MAP3K1: variants seen among roughly 807,000 people sequenced by gnomAD.
The protein encoded by MAP3K1 is MAP/ERK kinase kinase 1.
Under a neutral mutation model 144.2 loss-of-function variants are expected in MAP3K1, and 36 were observed. The ratio of observed to expected loss-of-function variants is 0.25; its 90% CI spans 0.19 to 0.33. MAP3K1 has a LOEUF of 0.33. Ranked by LOEUF, MAP3K1 falls within the 10% of genes least tolerant of loss-of-function variation. The pLI is 1.00. For missense variants in MAP3K1, 1,650 were observed against 1,881.9 expected, an observed-to-expected ratio of 0.88 and a Z score of 2.28; for synonymous variants, 718 against 688.7, an observed-to-expected ratio of 1.04 and a Z score of -0.67.
In MAP3K1 at chr5:56,882,361, C is replaced by T. The variant is rs751282045; in HGVS notation, c.3161C>T (p.Ser1054Phe). 13 of 1,614,170 alleles carry T rather than the reference C, an allele frequency of 8.1e-6. No individual in the cohort carries two copies. Among genetic ancestry groups the T allele is most frequent in the African/African-American group, 5.3e-5 (4 of 75,048 alleles). The change falls in exon 14 of 20, where the codon TCC becomes TTC. Residue 1054 changes from serine (S) to phenylalanine (F), a missense_variant. Ser to Phe is a radical substitution (Grantham distance 155). Transcript: ENST00000399503. ...PVFTQSRPLPSSNIHRPKPSR... is the reference protein window; with the variant it reads ...PVFTQSRPLPFSNIHRPKPSR... ...TTTACTCAGTCAAGACCCTTGCCCTCCAGTAACATACACAGGCCAAAGCCA... is the reference window on the plus strand; with the variant it reads ...TTTACTCAGTCAAGACCCTTGCCCTTCAGTAACATACACAGGCCAAAGCCA...
At position 56,817,033 on chromosome 5, in the gene MAP3K1, G is replaced by A. The variant is rs73759206; in HGVS notation, c.482+978G>A. 0.01 allele frequency: 10,159 copies of A among 984,722 alleles called. 800 individuals carry two copies. The African/African-American group carries it at 0.16, about 16-fold the overall frequency. The allele number at this position is 984,722 out of a possible 1,614,324, so 61.0% of individuals were successfully genotyped here. On this transcript the variant is annotated intron_variant, in intron 1 of 19. Coordinates refer to ENST00000399503, the MANE Select transcript of MAP3K1 (RefSeq NM_005921.2). ...CCTGCTCGGTGCCCTGGCGCGGGCC[G>A]CCCGCTGAATTCCAGGGGCCGCAGT...
rs2111957755 is a variant in MAP3K1, at chr5:56,885,960, A to G, written c.4011A>G (p.Lys1337=). 1.9e-6 allele frequency: 3 copies of G among 1,612,832 alleles called. No individual in the cohort carries two copies. The highest frequency in any genetic ancestry group is 2.5e-6 in the Non-Finnish European group (3 of 1,178,834). The change falls in exon 17 of 20, where the codon AAA becomes AAG. Residue 1337 remains lysine (K), a synonymous_variant. Transcript: ENST00000399503. ...AGGSVAHLLS[K]YGAFKESVVI... ...GATCGGTGGCTCATTTGCTGAGTAA[A>G]TATGGAGCCTTCAAAGAATCAGTAG...
intron 1 of MAP3K1, among the ~76,000 whole-genome samples, chr5:56,853,872 A>G (rs1747252325): frequency 6.6e-6 from 1 of 152,084 alleles, no homozygotes; most frequent in South Asian, 2.1e-4. Flanking sequence ...GGTTGGGCTA[A>G]ACATTTTGGA....
rs1427149188 is a variant in MAP3K1, at chr5:56,893,612, C to G, written c.4471C>G (p.Leu1491Val). Reference protein sequence around the residue: ...LRDVALRCLELQPQDRPPSRE... With the variant: ...LRDVALRCLEVQPQDRPPSRE... ...AGATGTGGCTCTTCGTTGTTTAGAACTTCAACCTCAGGACAGACCTCCATC... is the reference window on the plus strand; with the variant it reads ...AGATGTGGCTCTTCGTTGTTTAGAAGTTCAACCTCAGGACAGACCTCCATC... Residue 1491 changes from leucine (L) to valine (V), a missense_variant, in exon 20 of 20, where the codon CTT becomes GTT. Around this residue, in one of 6 missense-constraint regions of MAP3K1, gnomAD observed 165 missense variants for 322.9 expected, o/e 0.51. Transcript: ENST00000399503. 2 of 1,614,022 alleles carry G rather than the reference C, an allele frequency of 1.2e-6. No homozygotes were observed. Among genetic ancestry groups the G allele is most frequent in the Non-Finnish European group, 1.7e-6 (2 of 1,179,898 alleles).
rs190929673 is a variant in MAP3K1, at chr5:56,875,103, T to A, written c.1758T>A (p.Arg586=). 3.7e-6 allele frequency: 6 copies of A among 1,614,192 alleles called. No individual in the cohort carries two copies. In the East Asian group the frequency reaches 1.3e-4, roughly 36 times the overall value. The change falls in exon 10 of 20, where the codon CGT becomes CGA. Residue 586 remains arginine (R), a synonymous_variant. Coordinates refer to ENST00000399503, the MANE Select transcript of MAP3K1 (RefSeq NM_005921.2). ...ATGTGAGAGAGATGGCCCTCAGGCG[T>A]CTTTCCCATGATGTCAGTGGGGCCC... The part of the protein sequence containing the change: ...NWNVREMALR[R]LSHDVSGALL...
chr5:56,855,628 A>G (rs1240160047), intron 1 of MAP3K1, among the ~76,000 whole-genome samples: 2 of 152,172 alleles, frequency 1.3e-5, no homozygotes, highest in Non-Finnish European at 2.9e-5. Flanking sequence ...GATTAGCTGG[A>G]AAATTCCTAG....
In MAP3K1 at chr5:56,881,874, A is replaced by G. The variant is rs774025144; in HGVS notation, c.2674A>G (p.Asn892Asp). ...CTTCTTGCAGGCATCTGTTCCCAAC[A>G]ACTATCTGGAAACCACAGAGAACAG... is the stretch of plus-strand genomic sequence containing the variant. ...DSFLQASVPNNYLETTENSSP... is the reference protein window; with the variant it reads ...DSFLQASVPNDYLETTENSSP... Residue 892 changes from asparagine to aspartate, a missense_variant, in exon 14 of 20, where the codon AAC becomes GAC. Physicochemically the swap from Asn to Asp is conservative, Grantham distance 23 (BLOSUM62 1). Around this residue, in one of 6 missense-constraint regions of MAP3K1, gnomAD observed 841 missense variants for 886.5 expected, o/e 0.95. Coordinates refer to ENST00000399503, the MANE Select transcript of MAP3K1 (RefSeq NM_005921.2). 2 of 1,614,174 alleles carry G rather than the reference A, an allele frequency of 1.2e-6. No homozygotes were observed.
chr5:56,818,290 A>G (rs1273958397), intron 1 of MAP3K1, among the ~76,000 whole-genome samples: 6 of 152,242 alleles, frequency 3.9e-5, no homozygotes, highest in Non-Finnish European at 8.8e-5. Context: ...ATTACTTACC[A>G]TTTAAAGTTT....
At chr5:56,875,516 T>C (rs1260660330) in intron 10 of MAP3K1, among the ~76,000 whole-genome samples, 5 of 152,236 alleles carry the variant, frequency 3.3e-5, no homozygotes, top group African/African-American at 2.4e-5. Context: ...AGGTTTCTTA[T>C]ATAACTGTTT....
chr5:56,882,215 A>G lies in MAP3K1; in HGVS notation c.3015A>G (p.Arg1005=). ...AGTATDVSKH[R]LQGFIPCRIP... ...CTGCAACAGATGTCTCTAAGCATAG[A>G]CTTCAGGGATTCATTCCCTGCAGAA... is the stretch of plus-strand genomic sequence containing the variant. Residue 1005 remains arginine (R), a synonymous_variant, in exon 14 of 20, where the codon AGA becomes AGG. Coordinates refer to ENST00000399503, the MANE Select transcript of MAP3K1 (RefSeq NM_005921.2). 1 of 1,614,074 alleles carries G rather than the reference A, an allele frequency of 6.2e-7. No individual in the cohort carries two copies. The highest frequency in any genetic ancestry group is 8.5e-7 in the Non-Finnish European group (1 of 1,180,006).
intron 1 of MAP3K1, among the ~76,000 whole-genome samples, chr5:56,854,499 G>A (rs554991984): frequency 6.6e-6 from 1 of 150,480 alleles, no homozygotes; most frequent in Non-Finnish European, 1.5e-5. Context: ...CATAAATAAG[G>A]TAAAACGAAA....
intron 17 of MAP3K1, among the ~76,000 whole-genome samples, chr5:56,887,048 C>T (rs1748398308): frequency 6.6e-6 from 1 of 152,234 alleles, no homozygotes; most frequent in Admixed American, 6.5e-5. Flanking sequence ...CAGGCGTCAG[C>T]CACCGTACCT....
At chr5:56,873,458 A>G (rs1476880545) in intron 9 of MAP3K1, among the ~76,000 whole-genome samples, 1 of 152,242 alleles carries the variant, frequency 6.6e-6, no homozygotes, top group African/African-American at 2.4e-5. Flanking sequence ...AGAAAAAAAT[A>G]TGTGATGGTT....
At chr5:56,856,540 C>G in intron 1 of MAP3K1, 60 bp from the exon 2 acceptor site, 1 of 1,438,246 alleles carries the variant, frequency 7.0e-7, no homozygotes, top group South Asian at 1.2e-5. Context: ...TCTGTTTGTT[C>G]TTGGAAATTA....
chr5:56,847,888 C>G (rs1747046536), intron 1 of MAP3K1, among the ~76,000 whole-genome samples: 1 of 152,054 alleles, frequency 6.6e-6, no homozygotes, highest in Non-Finnish European at 1.5e-5. Context: ...GTTTGAGTTA[C>G]CAGTAATAAT....
intron 1 of MAP3K1, among the ~76,000 whole-genome samples, chr5:56,817,781 C>T (rs1429088313): frequency 6.6e-6 from 1 of 152,138 alleles, no homozygotes; most frequent in East Asian, 1.9e-4. Context: ...AATAATTTAG[C>T]AAACGTCAGC....
chr5:56,836,506 T>C (rs1232024804), intron 1 of MAP3K1, among the ~76,000 whole-genome samples: 3 of 152,240 alleles, frequency 2.0e-5, no homozygotes, highest in Non-Finnish European at 2.9e-5. Context: ...TCTTGCATAC[T>C]GATAGGCTTT....
At chr5:56,857,327 A>G (rs2111866271) in intron 2 of MAP3K1, among the ~76,000 whole-genome samples, 1 of 152,234 alleles carries the variant, frequency 6.6e-6, no homozygotes, top group South Asian at 2.1e-4. Context: ...GAAAATCTAG[A>G]GTCCTAGATT....
chr5:56,881,131 G>C lies in MAP3K1; in HGVS notation c.2228G>C (p.Gly743Ala), dbSNP rs2111938718. The change falls in exon 13 of 20, where the codon GGA (glycine) becomes GCA (alanine). Residue 743 changes from glycine to alanine, a missense_variant. Physicochemically the swap from Gly to Ala is moderately conservative, Grantham distance 60. Coordinates refer to ENST00000399503, the MANE Select transcript of MAP3K1 (RefSeq NM_005921.2). ...GVDYVLNCILGNQTESNNWQE... is the reference protein window; with the variant it reads ...GVDYVLNCILANQTESNNWQE... The stretch of plus-strand genomic sequence containing the variant: ...GATTATGTCTTAAATTGTATTCTTG[G>C]AAACCAAACTGAATCAAACAATTGG... 1.9e-6 allele frequency: 3 copies of C among 1,613,672 alleles called. No individual in the cohort carries two copies. Among genetic ancestry groups the C allele is most frequent in the Non-Finnish European group, 2.5e-6 (3 of 1,179,868 alleles).
Sources: allele counts gnomAD v4.1 joint callset (sites outside exome capture counted in the v4.1 genomes callset), GRCh38; gene constraint gnomAD v4.1.1; regional missense constraint gnomAD v4.1.1; transcripts MANE v1.5; gene names NCBI Gene and HGNC (gene_info 2026-07-23, HGNC 2026-07-21).